SACM1L: variants seen among roughly 807,000 people sequenced by gnomAD.
SACM1L encodes the protein SAC1 like phosphatidylinositide phosphatase.
SACM1L carries 32 observed loss-of-function variants against 89.5 expected under a neutral mutation model. The observed-to-expected ratio is 0.36, with a 90% CI of 0.27 to 0.48. The LOEUF (loss-of-function observed/expected upper bound fraction) is 0.48, where lower values mean the gene tolerates loss of function less well. Ranked by LOEUF, SACM1L falls within the 20% of genes least tolerant of loss-of-function variation. The pLI is 0.99. For missense variants in SACM1L, 543 were observed against 708.5 expected (o/e 0.77, Z 2.65); for synonymous variants, 213 against 232.8 (o/e 0.92, Z 0.77).
rs866694614 is a variant in SACM1L, at chr3:45,699,922, T to C, written c.33-3516T>C. Among the ~76,000 whole-genome samples, 10 of 152,222 alleles carry C rather than the reference T, an allele frequency of 6.6e-5. No homozygotes were observed. In the East Asian group the frequency reaches 1.5e-3, roughly 23 times the overall value. Reference sequence around the variant, plus strand: ...ACAGCTGATTTTATAATAAATACTTTATTGCTGACTGAAATGTACCTATTA... The same window carrying C: ...ACAGCTGATTTTATAATAAATACTTCATTGCTGACTGAAATGTACCTATTA... On this transcript the variant is annotated intron_variant, in intron 1 of 19. Coordinates refer to ENST00000389061, the MANE Select transcript of SACM1L (RefSeq NM_014016.5).
Position 45,744,812 on chromosome 3 carries a change from G to A in SACM1L, c.*1143G>A, listed in dbSNP as rs1699390402. On this transcript the variant is annotated 3_prime_UTR_variant, in exon 20 of 20. Coordinates refer to ENST00000389061, the MANE Select transcript of SACM1L (RefSeq NM_014016.5). ...TTGTAATTAAGAGATTTAAATATTA[G>A]AACGGTATGTAAGGTAGTATAATTA... 6.6e-6 allele frequency: 1 copy of A among 151,182 alleles called. No homozygotes were observed. Among genetic ancestry groups the A allele is most frequent in the African/African-American group, 2.4e-5 (1 of 40,818 alleles). The allele number at this position is 151,182 out of a possible 1,614,324, so 9.4% of individuals were successfully genotyped here. A position where few individuals can be genotyped will look rare whatever the true frequency, so the allele number is the denominator to read the frequency against.
At chr3:45,719,301 CT>C (rs1239608264) in intron 7 of SACM1L, among the ~76,000 whole-genome samples, 198 bp from the exon 8 acceptor site, 5 of 152,234 alleles carry the variant, frequency 3.3e-5, no homozygotes, top group Admixed American at 6.5e-5. Context: ...AACATACTAC[CT>C]TCGTGTCATA....
chr3:45,699,558 C>G (rs1424534671), intron 1 of SACM1L, among the ~76,000 whole-genome samples: 1 of 152,054 alleles, frequency 6.6e-6, no homozygotes, highest in East Asian at 1.9e-4. Flanking sequence ...GACTGAGTCT[C>G]ACTCTGTCGC....
chr3:45,722,173 T>C, intron 9 of SACM1L, 88 bp downstream of exon 9: 1 of 806,592 alleles, frequency 1.2e-6, no homozygotes, highest in Non-Finnish European at 2.0e-6. Flanking sequence ...TTCCCTCTTT[T>C]CCCTTCTCTG....
intron 19 of SACM1L, among the ~76,000 whole-genome samples, chr3:45,742,324 T>G (rs1214185768): frequency 1.3e-5 from 2 of 152,224 alleles, no homozygotes; most frequent in Non-Finnish European, 2.9e-5. Flanking sequence ...TATGATAAAC[T>G]TTGTGATGTT....
At position 45,706,460 on chromosome 3, in the gene SACM1L, C is replaced by T. The variant is rs570835976; in HGVS notation, c.206-320C>T. Among the ~76,000 whole-genome samples, 565 of 152,178 alleles carry T rather than the reference C, an allele frequency of 3.7e-3. 2 individuals carry two copies. Among genetic ancestry groups the T allele is most frequent in the Non-Finnish European group, 5.8e-3 (394 of 68,002 alleles). ...GAAATGATTAGCAGAGGTCTGTATC[C>T]CTTGGGGGTGATGAAAGAGAGAAAG... On this transcript the variant is annotated intron_variant, in intron 3 of 19. Transcript: ENST00000389061.
At chr3:45,712,299 C>T (rs1698548284) in intron 5 of SACM1L, among the ~76,000 whole-genome samples, 1 of 152,190 alleles carries the variant, frequency 6.6e-6, no homozygotes. Flanking sequence ...TCCTGGAGTG[C>T]AGTGGCACGA....
intron 1 of SACM1L, among the ~76,000 whole-genome samples, chr3:45,697,856 T>G (rs1210854440): frequency 1.3e-5 from 2 of 152,188 alleles, no homozygotes; most frequent in Admixed American, 6.5e-5. Context: ...AGAACCCTTT[T>G]TAGTATACAG....
intron 19 of SACM1L, among the ~76,000 whole-genome samples, 171 bp from the exon 20 acceptor site, chr3:45,743,362 A>T (rs925761602): frequency 6.6e-6 from 1 of 152,224 alleles, no homozygotes; most frequent in African/African-American, 2.4e-5. Context: ...AGATTCTGGT[A>T]CTAGCCAGGG....
At chr3:45,730,606 T>A (rs1181377935) in intron 11 of SACM1L, 2 of 152,282 alleles carry the variant, frequency 1.3e-5, no homozygotes, top group Non-Finnish European at 2.9e-5. Flanking sequence ...AGCCTAGGGA[T>A]CAGTCTGTGG....
At chr3:45,722,842 T>G in intron 9 of SACM1L, 27 bp from the exon 10 acceptor site, 1 of 1,543,250 alleles carries the variant, frequency 6.5e-7, no homozygotes, top group African/African-American at 1.4e-5. Context: ...TTTGTGTTTC[T>G]TTTCACATTT....
Position 45,705,135 on chromosome 3 carries a change from T to C in SACM1L, c.131T>C (p.Val44Ala). The part of the protein sequence containing the change: ...DRVSTEVTLA[V>A]KKDVPPSAVT... ...TTTCTTTCTTTCCTTTCTTTTAAAG[T>C]CAAGAAAGATGTTCCTCCTTCAGCT... Residue 44 changes from valine (V) to alanine (A), a missense_variant and splice_region_variant, in exon 3 of 20, where the codon GTC becomes GCC. Physicochemically the swap from Val to Ala is moderately conservative, Grantham distance 64 (BLOSUM62 0). Coordinates refer to ENST00000389061, the MANE Select transcript of SACM1L (RefSeq NM_014016.5). 6.3e-7 allele frequency: 1 copy of C among 1,594,602 alleles called. No individual in the cohort carries two copies. Among genetic ancestry groups the C allele is most frequent in the Non-Finnish European group, 8.6e-7 (1 of 1,166,792 alleles).
Position 45,722,853 on chromosome 3 carries a change from C to T in SACM1L, c.766-16C>T, listed in dbSNP as rs1289712353. The T allele has an allele frequency of 1.9e-6, 3 of 1,583,632 alleles. No individual in the cohort carries two copies. The highest frequency in any genetic ancestry group is 4.5e-5 in the East Asian group (2 of 44,646). ...TATGTTTGTGTTTCTTTTCACATTT[C>T]TCTCTTTTCTTTTAGACTCGAGGAT... On this transcript the variant is annotated splice_polypyrimidine_tract_variant and intron_variant, in intron 9 of 19. Coordinates refer to ENST00000389061, the MANE Select transcript of SACM1L (RefSeq NM_014016.5).
chr3:45,735,045 T>G, intron 13 of SACM1L, 190 bp from the exon 14 acceptor site: 1 of 463,598 alleles, frequency 2.2e-6, no homozygotes. Context: ...TGGAGGGCTG[T>G]CTTGCCTCAG....
At chr3:45,700,456 A>G (rs1308324884) in intron 1 of SACM1L, among the ~76,000 whole-genome samples, 2 of 152,190 alleles carry the variant, frequency 1.3e-5, no homozygotes, top group Admixed American at 6.5e-5. Flanking sequence ...ATGTAAAAGT[A>G]AAGCAGCCAA....
chr3:45,696,579 C>T (rs1476555437), intron 1 of SACM1L, among the ~76,000 whole-genome samples: 1 of 152,048 alleles, frequency 6.6e-6, no homozygotes, highest in African/African-American at 2.4e-5. Flanking sequence ...TTTACATTCC[C>T]ACCCACAAAG....
At chr3:45,725,031 C>T (rs1698885892) in intron 11 of SACM1L, among the ~76,000 whole-genome samples, 1 of 152,118 alleles carries the variant, frequency 6.6e-6, no homozygotes, top group Non-Finnish European at 1.5e-5. Flanking sequence ...CTGTTCTATT[C>T]CATTGGTCTC....
At chr3:45,727,165 G>C (rs184753852) in intron 11 of SACM1L, among the ~76,000 whole-genome samples, 1,035 of 22,536 alleles carry the variant, frequency 0.046, 393 homozygotes, top group African/African-American at 0.15. Context: ...GATTACAGGC[G>C]TGAGCCACCG....
Position 45,719,607 on chromosome 3 carries a change from A to G in SACM1L, c.679+6A>G, listed in dbSNP as rs1698742784. The stretch of plus-strand genomic sequence containing the variant: ...TGTGCGCTATTATGTAAGAGGTGAG[A>G]ATTTTGTCAGCATGGGTCATATCTG... On this transcript the variant is annotated splice_donor_region_variant and intron_variant, in intron 8 of 19. Coordinates refer to ENST00000389061, the MANE Select transcript of SACM1L (RefSeq NM_014016.5). 16 of 1,572,258 alleles carry G rather than the reference A, an allele frequency of 1.0e-5. No homozygotes were observed. The highest frequency in any genetic ancestry group is 1.3e-5 in the Non-Finnish European group (15 of 1,147,244).
Sources: allele counts gnomAD v4.1 joint callset (sites outside exome capture counted in the v4.1 genomes callset), GRCh38; gene constraint gnomAD v4.1.1; transcripts MANE v1.5; gene names NCBI Gene and HGNC (gene_info 2026-07-23, HGNC 2026-07-21).